CHD1: variants seen among roughly 807,000 people sequenced by gnomAD.
The protein encoded by CHD1 is chromodomain helicase DNA binding protein 1, also known as ATP-dependent chromatin remodeler CHD1.
CHD1 carries 36 observed loss-of-function variants against 224.2 expected under a neutral mutation model. The ratio of observed to expected loss-of-function variants is 0.16; its 90% CI spans 0.12 to 0.21. The LOEUF is 0.21. Among genes scored for constraint, CHD1 ranks in the 10% least tolerant of loss-of-function variants. The pLI is 1.00. For missense variants in CHD1, 1,378 were observed against 1,994.8 expected, an observed-to-expected ratio of 0.69 and a Z score of 5.89; for synonymous variants, 668 against 658.3, an observed-to-expected ratio of 1.01 and a Z score of -0.23.
chr5:98,858,260 A>C lies in CHD1; in HGVS notation c.4707T>G (p.Ser1569Arg). Residue 1569 changes from serine (S) to arginine (R), a missense_variant, in exon 35 of 36, where the codon AGT becomes AGG. By Grantham distance (110) the Ser-to-Arg change is moderately radical. Coordinates refer to ENST00000614616, the MANE Select transcript of CHD1 (RefSeq NM_001270.4). ...DRHQGDSYKK[S>R]DSRKRPYSSF... Reference sequence around the variant, plus strand: ...AAGAATAGGGTCTTTTCCTGGAATCACTTTTTTTGTAAGAATCTCCCTGAT... The same window carrying C: ...AAGAATAGGGTCTTTTCCTGGAATCCCTTTTTTTGTAAGAATCTCCCTGAT... 1.9e-6 allele frequency: 3 copies of C among 1,613,336 alleles called. No homozygotes were observed. Among genetic ancestry groups the C allele is most frequent in the Non-Finnish European group, 2.5e-6 (3 of 1,179,408 alleles).
chr5:98,905,160 G>T, intron 2 of CHD1, 62 bp from the exon 3 acceptor site: 3 of 1,589,854 alleles, frequency 1.9e-6, no homozygotes, highest in Non-Finnish European at 1.7e-6. Flanking sequence ...TTTCTTAGAC[G>T]TCAGCAGAAA....
At chr5:98,877,113 C>A (rs1220973883) in intron 23 of CHD1, among the ~76,000 whole-genome samples, 1 of 152,186 alleles carries the variant, frequency 6.6e-6, no homozygotes, top group Non-Finnish European at 1.5e-5. Context: ...GCTGAGGCTG[C>A]AGTGAGCCAT....
intron 2 of CHD1, among the ~76,000 whole-genome samples, chr5:98,910,868 A>G (rs1260036856): frequency 6.6e-6 from 1 of 151,862 alleles, no homozygotes; most frequent in East Asian, 1.9e-4. Context: ...CTCTGATTCT[A>G]CAAATAGTGA....
rs1580446842 is a variant in CHD1, at chr5:98,892,728, A to G, written c.1992-15T>C. The stretch of plus-strand genomic sequence containing the variant: ...AGGAAGAAAACCTTTAAAATTTAAG[A>G]AATTGGAACAATTACTAGAAAAAAT... On this transcript the variant is annotated splice_polypyrimidine_tract_variant and intron_variant, in intron 14 of 35. Coordinates refer to ENST00000614616, the MANE Select transcript of CHD1 (RefSeq NM_001270.4). The G allele has an allele frequency of 6.5e-7, 1 of 1,537,314 alleles. No individual in the cohort carries two copies. The highest frequency in any genetic ancestry group is 1.2e-5 in the South Asian group (1 of 80,902).
intron 12 of CHD1, 140 bp from the exon 13 acceptor site, chr5:98,894,826 G>GTTTT: frequency 8.7e-6 from 3 of 345,326 alleles, no homozygotes; most frequent in East Asian, 6.0e-5. Context: ...AGTTTTTGTG[G>GTTTT]TTTTTTTTTT....
At chr5:98,904,851 A>G in intron 3 of CHD1, 46 bp downstream of exon 3, 1 of 1,562,934 alleles carries the variant, frequency 6.4e-7, no homozygotes, top group Non-Finnish European at 8.8e-7. Flanking sequence ...AATTTTCCCA[A>G]AGTAATACAA....
intron 34 of CHD1, 169 bp downstream of exon 34, chr5:98,858,795 T>C (rs1369831190): frequency 2.1e-6 from 1 of 465,894 alleles, no homozygotes; most frequent in African/African-American, 2.0e-5. Context: ...AGAGAATACA[T>C]TTTACATAAT....
intron 2 of CHD1, among the ~76,000 whole-genome samples, chr5:98,918,060 CTTT>C (rs11301847): frequency 1.4e-5 from 2 of 139,936 alleles, no homozygotes; most frequent in Non-Finnish European, 3.1e-5. Context: ...CACAGAAAAA[CTTT>C]TTTTTTTTTT....
chr5:98,856,279 A>G lies in CHD1; in HGVS notation c.*101T>C. 1 of 781,174 alleles carries G rather than the reference A, an allele frequency of 1.3e-6. No individual in the cohort carries two copies. Among genetic ancestry groups the G allele is most frequent in the South Asian group, 1.8e-5 (1 of 57,002 alleles). The allele number at this position is 781,174 out of a possible 1,614,324, so 48.4% of individuals were successfully genotyped here. A position where few individuals can be genotyped will look rare whatever the true frequency, so the allele number is the denominator to read the frequency against. Reference sequence around the variant, plus strand: ...GAAGTAACAATACTGCTACTGATAGAAGATCTGTTTATATCTTTCAAGTCA... The same window carrying G: ...GAAGTAACAATACTGCTACTGATAGGAGATCTGTTTATATCTTTCAAGTCA... On this transcript the variant is annotated 3_prime_UTR_variant, in exon 36 of 36. Coordinates refer to ENST00000614616, the MANE Select transcript of CHD1 (RefSeq NM_001270.4).
intron 10 of CHD1, 38 bp from the exon 11 acceptor site, chr5:98,897,358 A>T: frequency 1.5e-6 from 2 of 1,377,530 alleles, no homozygotes; most frequent in Non-Finnish European, 2.0e-6. Context: ...AGAGTTATTA[A>T]ATATAAGAAA....
At chr5:98,860,408 A>AT in intron 32 of CHD1, 1 of 313,238 alleles carries the variant, frequency 3.2e-6, no homozygotes, top group Non-Finnish European at 6.2e-6. Flanking sequence ...GATTATGCAT[A>AT]TAAGGGACAG....
intron 2 of CHD1, among the ~76,000 whole-genome samples, chr5:98,914,338 T>C (rs1466324451): frequency 6.6e-6 from 1 of 152,212 alleles, no homozygotes; most frequent in Admixed American, 6.5e-5. Context: ...TTTAAGCCCC[T>C]GTGTTTTTAG....
chr5:98,898,649 T>TTC lies in CHD1; in HGVS notation c.1186+14_1186+15insGA. 7.0e-7 allele frequency: 1 copy of TTC among 1,434,526 alleles called. No homozygotes were observed. The highest frequency in any genetic ancestry group is 9.6e-7 in the Non-Finnish European group (1 of 1,036,344). 88.9% of individuals were successfully genotyped at this position (1,434,526 alleles called of 1,614,324 possible). ...GCATAAAAAGAAAGTTTAACTAGAA[T>TTC]CATTTATCACTAACCAATTATACGT... On this transcript the variant is annotated intron_variant, in intron 9 of 35. Coordinates refer to ENST00000614616, the MANE Select transcript of CHD1 (RefSeq NM_001270.4).
At chr5:98,881,512 CTTTT>C (rs375349850) in intron 20 of CHD1, 137 bp from the exon 21 acceptor site, 55 of 444,646 alleles carry the variant, frequency 1.2e-4, no homozygotes, top group South Asian at 1.6e-4. Context: ...TATTAGAATC[CTTTT>C]TTTTTTTTTT....
chr5:98,860,234 CAT>C (rs1748363513), intron 32 of CHD1, 166 bp from the exon 33 acceptor site: 3 of 613,762 alleles, frequency 4.9e-6, no homozygotes, highest in African/African-American at 1.8e-5. Flanking sequence ...TTCAAAACTT[CAT>C]ATATGACTAA....
chr5:98,910,820 T>C (rs1375766143), intron 2 of CHD1, among the ~76,000 whole-genome samples: 1 of 152,062 alleles, frequency 6.6e-6, no homozygotes, highest in African/African-American at 2.4e-5. Context: ...TGCACCATCG[T>C]TTCATGTGCC....
chr5:98,914,100 T>C (rs765072439), intron 2 of CHD1, among the ~76,000 whole-genome samples: 1 of 152,148 alleles, frequency 6.6e-6, no homozygotes, highest in African/African-American at 2.4e-5. Context: ...AGTGTAGTCA[T>C]GTGAGTAGGT....
At chr5:98,875,345 T>C (rs1380461585) in intron 24 of CHD1, among the ~76,000 whole-genome samples, 1 of 152,136 alleles carries the variant, frequency 6.6e-6, no homozygotes, top group Non-Finnish European at 1.5e-5. Context: ...TCAGTATAAA[T>C]AAAACAATAG....
intron 15 of CHD1, 144 bp from the exon 16 acceptor site, chr5:98,889,382 G>A (rs1037957429): frequency 2.1e-5 from 12 of 564,976 alleles, no homozygotes; most frequent in African/African-American, 3.7e-5. Flanking sequence ...TATATACAAC[G>A]GACCAAACCT....
Sources: gnomAD v4.1 joint callset for allele counts (sites outside exome capture counted in the v4.1 genomes callset) on GRCh38, gnomAD v4.1.1 for gene constraint, MANE v1.5 for transcripts, NCBI Gene and HGNC (gene_info 2026-07-23, HGNC 2026-07-21) for gene names.